TYR: variants seen among roughly 807,000 people sequenced by gnomAD.
The protein encoded by TYR is tyrosinase.
TYR carries 58 observed loss-of-function variants against 51.5 expected under a neutral mutation model. That is an observed-to-expected ratio of 1.13 (90% CI 0.91 to 1.40). The LOEUF (loss-of-function observed/expected upper bound fraction) is 1.40, where lower values mean the gene tolerates loss of function less well. Ranked by LOEUF, TYR falls within the 40% of genes most tolerant of loss-of-function variation. TYR has a pLI of 0.00. For synonymous variants in TYR, 263 were observed against 235.2 expected (o/e 1.12, Z -1.08); for missense variants, 732 against 647.4 (o/e 1.13, Z -1.42).
intron 3 of TYR, among the ~76,000 whole-genome samples, chr11:89,251,524 C>A (rs1467384926): frequency 6.6e-6 from 1 of 151,798 alleles, no homozygotes; most frequent in East Asian, 1.9e-4. Context: ...GTTGAATACT[C>A]AGGAAAGAAA....
At chr11:89,225,899 T>C (rs1241063822) in intron 2 of TYR, among the ~76,000 whole-genome samples, 1 of 152,002 alleles carries the variant, frequency 6.6e-6, no homozygotes, top group East Asian at 1.9e-4. Context: ...GTGATTGATA[T>C]TCCAATTACT....
At chr11:89,209,576 G>A (rs865946563) in intron 2 of TYR, among the ~76,000 whole-genome samples, 1 of 152,148 alleles carries the variant, frequency 6.6e-6, no homozygotes, top group Non-Finnish European at 1.5e-5. Context: ...AGAATTAAAC[G>A]TCCTTGTCTG....
chr11:89,271,193 A>C lies in TYR; in HGVS notation c.1185-13580A>C, dbSNP rs371368291. Among the ~76,000 whole-genome samples, 56 of 152,036 alleles carry C rather than the reference A, an allele frequency of 3.7e-4. 1 individual carries two copies. The South Asian group carries it at 0.011, about 30-fold the overall frequency. ...TACACGTTACTCTAATTGATTTTAC[A>C]TACATTAATTCAGTTAATGCTAAAA... On this transcript the variant is annotated intron_variant, in intron 3 of 4. Coordinates refer to ENST00000263321, the MANE Select transcript of TYR (RefSeq NM_000372.5).
At chr11:89,253,215 T>G (rs1334170344) in intron 3 of TYR, among the ~76,000 whole-genome samples, 1 of 151,816 alleles carries the variant, frequency 6.6e-6, no homozygotes, top group African/African-American at 2.4e-5. Context: ...GTAGACTTCT[T>G]AGCCTATAAG....
At chr11:89,287,366 T>G (rs1944801626) in intron 4 of TYR, among the ~76,000 whole-genome samples, 2 of 151,964 alleles carry the variant, frequency 1.3e-5, no homozygotes, top group Admixed American at 1.3e-4. Flanking sequence ...ACTATAAGTA[T>G]TCTATCACAC....
At chr11:89,270,941 T>C (rs1944580800) in intron 3 of TYR, among the ~76,000 whole-genome samples, 1 of 151,762 alleles carries the variant, frequency 6.6e-6, no homozygotes, top group South Asian at 2.1e-4. Flanking sequence ...GGCAAAAAAT[T>C]ACACATGATC....
rs1197271895 is a variant in TYR, at chr11:89,232,404, G to A, written c.1184+4434G>A. ...AAATGATGTCCTTCGCAGCATCGTGGATGTAGCTGTAGGCCATAATCTGAA... is the reference window on the plus strand; with the variant it reads ...AAATGATGTCCTTCGCAGCATCGTGAATGTAGCTGTAGGCCATAATCTGAA... On this transcript the variant is annotated intron_variant, in intron 3 of 4. Coordinates refer to ENST00000263321, the MANE Select transcript of TYR (RefSeq NM_000372.5). Among the ~76,000 whole-genome samples the A allele has an allele frequency of 2.1e-5, 3 of 143,506 alleles. 1 individual carries two copies. Among genetic ancestry groups the A allele is most frequent in the Non-Finnish European group, 4.5e-5 (3 of 66,698 alleles). 94.1% of individuals were successfully genotyped at this position (143,506 alleles called of 152,430 possible). A position where few individuals can be genotyped will look rare whatever the true frequency, so the allele number is the denominator to read the frequency against.
intron 1 of TYR, among the ~76,000 whole-genome samples, chr11:89,186,670 C>T (rs954985160): frequency 2.6e-5 from 4 of 152,236 alleles, no homozygotes; most frequent in South Asian, 2.1e-4. Flanking sequence ...CACCTTAGCA[C>T]GGTGCACAGG....
chr11:89,221,767 C>G (rs1232462714), intron 2 of TYR, among the ~76,000 whole-genome samples: 1 of 152,092 alleles, frequency 6.6e-6, no homozygotes, highest in Non-Finnish European at 1.5e-5. Context: ...TTTTTATTTC[C>G]TCTTCTCCAA....
intron 2 of TYR, among the ~76,000 whole-genome samples, chr11:89,224,099 C>A (rs1187193052): frequency 6.6e-6 from 1 of 152,030 alleles, no homozygotes; most frequent in Non-Finnish European, 1.5e-5. Flanking sequence ...TTCTACAGAA[C>A]AATGAAGTTT....
chr11:89,249,103 C>T (rs1944302162), intron 3 of TYR, among the ~76,000 whole-genome samples: 1 of 151,764 alleles, frequency 6.6e-6, no homozygotes, highest in Non-Finnish European at 1.5e-5. Context: ...TAGGATAGGG[C>T]AAATAGATAC....
chr11:89,213,573 A>C (rs1270290221), intron 2 of TYR, among the ~76,000 whole-genome samples: 1 of 152,214 alleles, frequency 6.6e-6, no homozygotes, highest in Non-Finnish European at 1.5e-5. Context: ...TCTTCACAGA[A>C]TTGGAAAAAA....
chr11:89,209,766 G>T lies in TYR; in HGVS notation c.1037-18057G>T, dbSNP rs552312115. ...CTCTGGGACGAAGCTTCCAGAGGAA[G>T]GATCGGGCAGCAATATTTGCTGTTC... On this transcript the variant is annotated intron_variant, in intron 2 of 4. Transcript: ENST00000263321. 1.1e-4 allele frequency among the ~76,000 whole-genome samples: 16 copies of T among 152,232 alleles called. No homozygotes were observed. In the East Asian group the frequency reaches 3.1e-3, roughly 29 times the overall value.
intron 2 of TYR, among the ~76,000 whole-genome samples, chr11:89,194,849 A>C (rs560400972): frequency 6.6e-6 from 1 of 152,308 alleles, no homozygotes; most frequent in East Asian, 1.9e-4. Context: ...ATTTTTTAAA[A>C]CACACATTCT....
chr11:89,282,614 T>C (rs980033690), intron 3 of TYR, among the ~76,000 whole-genome samples: 1 of 151,814 alleles, frequency 6.6e-6, no homozygotes. Flanking sequence ...CCATAAAAGT[T>C]AAAACAAAAG....
At chr11:89,274,970 T>C (rs188311012) in intron 3 of TYR, among the ~76,000 whole-genome samples, 473 of 151,920 alleles carry the variant, frequency 3.1e-3, no homozygotes, top group African/African-American at 0.01. Context: ...AAGTTAGTCA[T>C]CATAGATACA....
At chr11:89,263,345 C>G (rs928347770) in intron 3 of TYR, among the ~76,000 whole-genome samples, 12 of 151,698 alleles carry the variant, frequency 7.9e-5, no homozygotes, top group African/African-American at 2.9e-4. Flanking sequence ...AAAAAAAGAG[C>G]TTTCTCATTT....
intron 2 of TYR, among the ~76,000 whole-genome samples, chr11:89,207,747 T>C (rs904389170): frequency 6.6e-6 from 1 of 152,184 alleles, no homozygotes; most frequent in Non-Finnish European, 1.5e-5. Context: ...TAAAAAGAAT[T>C]TTATGCATTG....
At chr11:89,214,345 C>A (rs1251473749) in intron 2 of TYR, among the ~76,000 whole-genome samples, 2 of 152,128 alleles carry the variant, frequency 1.3e-5, no homozygotes, top group Admixed American at 1.3e-4. Context: ...CCATCTCATG[C>A]CTGTTAGAAT....
Sources: allele counts gnomAD v4.1 joint callset (sites outside exome capture counted in the v4.1 genomes callset), GRCh38; gene constraint gnomAD v4.1.1; transcripts MANE v1.5; gene names NCBI Gene and HGNC (gene_info 2026-07-23, HGNC 2026-07-21).